The following CYS1 variants were observed in gnomAD, a reference collection of about 807,000 sequenced individuals.
The protein encoded by CYS1 is cystin 1, also known as cystin-1.
Under a neutral mutation model 9.6 loss-of-function variants are expected in CYS1, and 5 were observed. That is an observed-to-expected ratio of 0.52 (90% CI 0.27 to 1.10). The LOEUF is 1.10. CYS1 is among the 50% of genes least tolerant of loss of function. The probability of loss-of-function intolerance (pLI) is 0.11; values close to 1 mark genes in which losing one functional copy is unlikely to be tolerated. For missense variants in CYS1, 221 were observed against 207.9 expected (o/e 1.06, Z -0.39); for synonymous variants, 88 against 95.7 (o/e 0.92, Z 0.47).
intron 1 of CYS1, among the ~76,000 whole-genome samples, chr2:10,069,076 T>A (rs1434497624): frequency 3.3e-5 from 5 of 150,988 alleles, no homozygotes; most frequent in South Asian, 2.1e-4. Flanking sequence ...AAAAAAAAAA[T>A]TAAATTTTAA....
In CYS1 at chr2:10,064,090, G is replaced by A. The variant is rs954584689; in HGVS notation, c.371+1814C>T. On this transcript the variant is annotated intron_variant, in intron 2 of 2. Coordinates refer to ENST00000381813, the MANE Select transcript of CYS1 (RefSeq NM_001037160.3). The stretch of plus-strand genomic sequence containing the variant: ...ATACAAAAATTAGCCGGACAGGGTG[G>A]CTCGTGCCTGTAATCCCAGCTACTT... Among the ~76,000 whole-genome samples the A allele has an allele frequency of 3.9e-5, 6 of 152,142 alleles. No individual in the cohort carries two copies. In the East Asian group the frequency reaches 1.2e-3, roughly 29 times the overall value.
chr2:10,059,041 C>T lies in CYS1; in HGVS notation c.372-83G>A, dbSNP rs926193782. 4.0e-5 allele frequency: 52 copies of T among 1,297,106 alleles called. No individual in the cohort carries two copies. The African/African-American group carries it at 7.3e-4, about 18-fold the overall frequency. The allele number at this position is 1,297,106 out of a possible 1,614,324, so 80.3% of individuals were successfully genotyped here. ...TTTCCCCTGGCCACCACAATGGCTC[C>T]TAGTGGGCCCATCCTGAAACCCAAA... On this transcript the variant is annotated intron_variant, in intron 2 of 2. Transcript: ENST00000381813.
intron 1 of CYS1, among the ~76,000 whole-genome samples, chr2:10,078,371 G>A (rs1558362119): frequency 6.6e-6 from 1 of 152,106 alleles, no homozygotes; most frequent in Non-Finnish European, 1.5e-5. Context: ...AACACAAACT[G>A]TCACAATCCT....
chr2:10,076,001 A>T lies in CYS1; in HGVS notation c.318+3905T>A, dbSNP rs1209747762. Among the ~76,000 whole-genome samples the T allele has an allele frequency of 2.0e-5, 3 of 152,280 alleles. No homozygotes were observed. The highest frequency in any genetic ancestry group is 4.4e-5 in the Non-Finnish European group (3 of 68,032). On this transcript the variant is annotated intron_variant, in intron 1 of 2. Coordinates refer to ENST00000381813, the MANE Select transcript of CYS1 (RefSeq NM_001037160.3). The surrounding 1 kb of genome is among the most constrained non-coding windows in gnomAD (Gnocchi z 4.3). The stretch of plus-strand genomic sequence containing the variant: ...CAGGAGTTCAAGAACAGCCTGACTA[A>T]TATAGTGAAACCCCATCTCTACTAA...
chr2:10,058,977 A>G lies in CYS1; in HGVS notation c.372-19T>C, dbSNP rs760196585. On this transcript the variant is annotated intron_variant, in intron 2 of 2. Coordinates refer to ENST00000381813, the MANE Select transcript of CYS1 (RefSeq NM_001037160.3). ...TGGGGCTCTGTGGGTCAGAAATGGG[A>G]CAGGGCTGTCAGGAGGCAGGATGGT... The G allele has an allele frequency of 6.4e-7, 1 of 1,563,528 alleles. No homozygotes were observed. Among genetic ancestry groups the G allele is most frequent in the Non-Finnish European group, 8.7e-7 (1 of 1,155,324 alleles).
intron 1 of CYS1, among the ~76,000 whole-genome samples, chr2:10,074,970 G>C (rs990153302): frequency 4.6e-5 from 7 of 152,110 alleles, no homozygotes; most frequent in African/African-American, 1.7e-4. Context: ...AAATTACCTG[G>C]GCATGGTGGC....
intron 2 of CYS1, among the ~76,000 whole-genome samples, chr2:10,061,554 G>T (rs2125287412): frequency 6.6e-6 from 1 of 152,356 alleles, no homozygotes; most frequent in Middle Eastern, 3.4e-3. Context: ...AGCCCTGGGG[G>T]AGGTGGCTGT....
rs1382188281 is a variant in CYS1, at chr2:10,080,232, C to A, written c.-9G>T. ...CTGCTGCCGCTGCCCATGGCGCGCC[C>A]GCCGCCTCCCGGACCGCCGAGGGGG... On this transcript the variant is annotated 5_prime_UTR_variant, in exon 1 of 3. Transcript: ENST00000381813. This position sits in a 1 kb window ranked among gnomAD's most constrained non-coding sequence, Gnocchi z 6.4. 5 of 1,046,306 alleles carry A rather than the reference C, an allele frequency of 4.8e-6. No homozygotes were observed. The highest frequency in any genetic ancestry group is 4.3e-5 in the South Asian group (1 of 23,486). 64.8% of individuals were successfully genotyped at this position (1,046,306 alleles called of 1,614,324 possible).
chr2:10,065,784 G>A, intron 2 of CYS1, 120 bp downstream of exon 2: 2 of 936,678 alleles, frequency 2.1e-6, no homozygotes, highest in Non-Finnish European at 1.7e-6. Flanking sequence ...AGAGGGAGCT[G>A]CCTCTGGAAA....
intron 2 of CYS1, among the ~76,000 whole-genome samples, chr2:10,064,970 G>A (rs1029593533): frequency 6.6e-6 from 1 of 150,544 alleles, no homozygotes; most frequent in African/African-American, 2.5e-5. Flanking sequence ...TTGAACTCCT[G>A]ACCTCAAGTG....
chr2:10,069,969 G>A (rs1409844158), intron 1 of CYS1, among the ~76,000 whole-genome samples: 1 of 152,228 alleles, frequency 6.6e-6, no homozygotes, highest in Non-Finnish European at 1.5e-5. Flanking sequence ...GCCTGTGAGG[G>A]AAAGGCTGCC....
chr2:10,074,608 C>T lies in CYS1; in HGVS notation c.318+5298G>A, dbSNP rs370782941. On this transcript the variant is annotated intron_variant, in intron 1 of 2. Transcript: ENST00000381813. ...TTGCAATGCATGTTTTCAATGTCCC[C>T]TCATGTGCCTGTGTATTACCTCTTC... Among the ~76,000 whole-genome samples the T allele has an allele frequency of 2.0e-4, 31 of 152,300 alleles. No individual in the cohort carries two copies. The East Asian group carries it at 5.6e-3, about 27-fold the overall frequency.
chr2:10,068,595 A>C (rs951203325), intron 1 of CYS1, among the ~76,000 whole-genome samples: 2 of 149,448 alleles, frequency 1.3e-5, no homozygotes, highest in Non-Finnish European at 3.0e-5. Context: ...TTGAGCTTAC[A>C]ACTTCCTAGA....
intron 1 of CYS1, among the ~76,000 whole-genome samples, chr2:10,068,027 G>C (rs999382810): frequency 1.3e-5 from 2 of 149,674 alleles, no homozygotes; most frequent in Admixed American, 6.6e-5. Flanking sequence ...TCTTGTATCA[G>C]GTCCTTGTCT....
chr2:10,069,059 C>A (rs1426657074), intron 1 of CYS1, among the ~76,000 whole-genome samples: 1 of 150,312 alleles, frequency 6.7e-6, no homozygotes, highest in Non-Finnish European at 1.5e-5. Flanking sequence ...GAGGCTCTGT[C>A]TCAGAAAAAA....
At chr2:10,077,051 C>T (rs1344562208) in intron 1 of CYS1, among the ~76,000 whole-genome samples, 1 of 152,224 alleles carries the variant, frequency 6.6e-6, no homozygotes, top group Non-Finnish European at 1.5e-5. Context: ...AGCTACATCC[C>T]TCCAGCTGCT....
At chr2:10,069,680 A>G (rs565456400) in intron 1 of CYS1, among the ~76,000 whole-genome samples, 1 of 151,954 alleles carries the variant, frequency 6.6e-6, no homozygotes, top group African/African-American at 2.4e-5. Context: ...AAAAATATTT[A>G]AAAAAAATTT....
intron 1 of CYS1, among the ~76,000 whole-genome samples, chr2:10,073,990 A>G (rs1661810972): frequency 6.6e-6 from 1 of 152,338 alleles, no homozygotes; most frequent in Admixed American, 6.5e-5. Flanking sequence ...GGGTCGAGGC[A>G]CTGGGCTTCT....
Position 10,063,460 on chromosome 2 carries a change from G to A in CYS1, c.371+2444C>T, listed in dbSNP as rs1209217472. ...ACATACTGAAAAGTTAAAATTTGTAGATTCAACAATTAAGTTCAACTTTGC... is the reference window on the plus strand; with the variant it reads ...ACATACTGAAAAGTTAAAATTTGTAAATTCAACAATTAAGTTCAACTTTGC... On this transcript the variant is annotated intron_variant, in intron 2 of 2. Coordinates refer to ENST00000381813, the MANE Select transcript of CYS1 (RefSeq NM_001037160.3). The surrounding 1 kb of genome is among the most constrained non-coding windows in gnomAD (Gnocchi z 4.2). Among the ~76,000 whole-genome samples the A allele has an allele frequency of 2.0e-5, 3 of 152,186 alleles. No individual in the cohort carries two copies. Among genetic ancestry groups the A allele is most frequent in the East Asian group, 1.9e-4 (1 of 5,204 alleles).
Sources: gnomAD v4.1 joint callset for allele counts (sites outside exome capture counted in the v4.1 genomes callset) on GRCh38, gnomAD v4.1.1 for gene constraint, Gnocchi (gnomAD v3.1) non-coding constraint, MANE v1.5 for transcripts, NCBI Gene and HGNC (gene_info 2026-07-23, HGNC 2026-07-21) for gene names.